The following DNAJC13 variants were observed in gnomAD, a reference collection of about 807,000 sequenced individuals.
DNAJC13 encodes the protein dnaJ homolog subfamily C member 13.
In DNAJC13, 75 loss-of-function variants were observed where a neutral mutation model predicts 290.5. The observed-to-expected ratio is 0.26, with a 90% CI of 0.21 to 0.31. The LOEUF (loss-of-function observed/expected upper bound fraction) is 0.31, where lower values mean the gene tolerates loss of function less well. Ranked by LOEUF, DNAJC13 falls within the 10% of genes least tolerant of loss-of-function variation. DNAJC13 has a pLI of 1.00. For synonymous variants in DNAJC13, 862 were observed against 892.0 expected, an observed-to-expected ratio of 0.97 and a Z score of 0.60; for missense variants, 2,260 against 2,674.5, an observed-to-expected ratio of 0.85 and a Z score of 3.42.
At chr3:132,507,184 C>G in intron 42 of DNAJC13, 53 bp from the exon 43 acceptor site, 1 of 1,173,796 alleles carries the variant, frequency 8.5e-7, no homozygotes, top group African/African-American at 1.5e-5. Context: ...AGTTATTAAA[C>G]TGAACATGGA....
At chr3:132,486,451 A>G (rs1408889188) in intron 29 of DNAJC13, among the ~76,000 whole-genome samples, 1 of 152,182 alleles carries the variant, frequency 6.6e-6, no homozygotes, top group East Asian at 1.9e-4. Context: ...AAAACTTTTA[A>G]GAAATGTGCT....
chr3:132,523,835 A>G lies in DNAJC13; in HGVS notation c.6060+122A>G, dbSNP rs1341364593. The G allele has an allele frequency of 3.1e-6, 3 of 956,248 alleles. No homozygotes were observed. In the East Asian group the frequency reaches 8.0e-5, roughly 25 times the overall value. 59.2% of individuals were successfully genotyped at this position (956,248 alleles called of 1,614,324 possible). On this transcript the variant is annotated intron_variant, in intron 51 of 55. Transcript: ENST00000260818. ...AATTGGCCAGCTCTTTCAATATAGC[A>G]GCCACATTTAAATTCACATATGCCC...
intron 20 of DNAJC13, among the ~76,000 whole-genome samples, chr3:132,470,615 G>A (rs1262491796): frequency 2.5e-4 from 36 of 142,036 alleles, no homozygotes; most frequent in African/African-American, 8.6e-4. Context: ...CGGGCGGGGG[G>A]GCTGACCCCC....
intron 20 of DNAJC13, among the ~76,000 whole-genome samples, chr3:132,470,715 G>C (rs1576479754): frequency 9.2e-6 from 1 of 108,444 alleles, no homozygotes; most frequent in Non-Finnish European, 1.9e-5. Context: ...GGGCAGAGGG[G>C]CTCCTCACTT....
chr3:132,483,666 TCCTATTTATGG>T, intron 28 of DNAJC13, 89 bp downstream of exon 28: 1 of 1,316,632 alleles, frequency 7.6e-7, no homozygotes, highest in Non-Finnish European at 1.1e-6. Flanking sequence ...AACAAAGATG[TCCTATTTATGG>T]CCTTGGAGGA....
At position 132,477,695 on chromosome 3, in the gene DNAJC13, A is replaced by C. The variant is rs182808080; in HGVS notation, c.2446-94A>C. 39 of 845,012 alleles carry C rather than the reference A, an allele frequency of 4.6e-5. No individual in the cohort carries two copies. In the African/African-American group the frequency reaches 6.2e-4, roughly 13 times the overall value. The allele number at this position is 845,012 out of a possible 1,614,324, so 52.3% of individuals were successfully genotyped here. A position where few individuals can be genotyped will look rare whatever the true frequency, so the allele number is the denominator to read the frequency against. ...GAATTAACAGGTATTTTAAGAAATA[A>C]GTTTTGAACAGAAAGAACTATAAGA... On this transcript the variant is annotated intron_variant, in intron 22 of 55. Transcript: ENST00000260818.
At chr3:132,423,485 A>C (rs1017513815) in intron 1 of DNAJC13, among the ~76,000 whole-genome samples, 1 of 152,222 alleles carries the variant, frequency 6.6e-6, no homozygotes, top group Non-Finnish European at 1.5e-5. Flanking sequence ...TCAAACTTCT[A>C]GTCAAGCTAC....
At chr3:132,531,939 T>C (rs1559916874) in intron 55 of DNAJC13, among the ~76,000 whole-genome samples, 1 of 152,366 alleles carries the variant, frequency 6.6e-6, no homozygotes, top group East Asian at 1.9e-4. Context: ...TTTCAAAAGA[T>C]ACTATGTTTA....
Position 132,490,951 on chromosome 3 carries a change from G to A in DNAJC13, c.3523G>A (p.Ala1175Thr). 1.2e-6 allele frequency: 2 copies of A among 1,612,244 alleles called. No individual in the cohort carries two copies. The highest frequency in any genetic ancestry group is 1.7e-6 in the Non-Finnish European group (2 of 1,179,270). Residue 1175 changes from alanine to threonine, a missense_variant, in exon 32 of 56, where the codon GCA (alanine) becomes ACA (threonine). Physicochemically the swap from Ala to Thr is moderately conservative, Grantham distance 58 (BLOSUM62 0). Transcript: ENST00000260818. ...TATACTTGGGCACATTCTACCTGAA[G>A]CAATGGTTTGTTACTTAGAAAATTA... ...RSILGHILPE[A>T]MVCYLENYEP...
At position 132,516,409 on chromosome 3, in the gene DNAJC13, T is replaced by C. The variant is rs757719192; in HGVS notation, c.5486-13T>C. ...CTGATGATGCATTCCTTGAAATGTC[T>C]TTTACTCTGCAGGTCGTCAGCTTGT... On this transcript the variant is annotated splice_polypyrimidine_tract_variant and intron_variant, in intron 46 of 55. Coordinates refer to ENST00000260818, the MANE Select transcript of DNAJC13 (RefSeq NM_015268.4). 6.2e-7 allele frequency: 1 copy of C among 1,613,360 alleles called. No individual in the cohort carries two copies. Among genetic ancestry groups the C allele is most frequent in the Non-Finnish European group, 8.5e-7 (1 of 1,179,488 alleles).
At position 132,475,062 on chromosome 3, in the gene DNAJC13, T is replaced by A. The variant is rs770260956; in HGVS notation, c.2422T>A (p.Ser808Thr). 4 of 1,606,508 alleles carry A rather than the reference T, an allele frequency of 2.5e-6. No individual in the cohort carries two copies. In the South Asian group the frequency reaches 4.4e-5, roughly 18 times the overall value. The change falls in exon 22 of 56, where the codon TCC becomes ACC. Residue 808 changes from serine to threonine, a missense_variant. Transcript: ENST00000260818. ...AGAACTTGGAAGTGCAAATGTGATCTCCTGGAACCACCATGAGTTTGAGGT... is the reference window on the plus strand; with the variant it reads ...AGAACTTGGAAGTGCAAATGTGATCACCTGGAACCACCATGAGTTTGAGGT... ...DRELGSANVI[S>T]WNHHEFEVKY...
At chr3:132,500,497 CT>C (rs1182487613) in intron 38 of DNAJC13, among the ~76,000 whole-genome samples, 2 of 152,106 alleles carry the variant, frequency 1.3e-5, no homozygotes, top group South Asian at 4.1e-4. Flanking sequence ...TCTTTTGTGA[CT>C]TTTTTACAGC....
intron 1 of DNAJC13, among the ~76,000 whole-genome samples, chr3:132,433,015 A>G (rs1190300953): frequency 6.6e-6 from 1 of 152,228 alleles, no homozygotes; most frequent in African/African-American, 2.4e-5. Flanking sequence ...ATATAGCCTT[A>G]AAAATAATTT....
chr3:132,494,130 CT>C lies in DNAJC13; in HGVS notation c.3826-10del. 1 of 1,531,068 alleles carries C rather than the reference CT, an allele frequency of 6.5e-7. No individual in the cohort carries two copies. Among genetic ancestry groups the C allele is most frequent in the South Asian group, 1.2e-5 (1 of 83,284 alleles). 94.8% of individuals were successfully genotyped at this position (1,531,068 alleles called of 1,614,324 possible). A position where few individuals can be genotyped will look rare whatever the true frequency, so the allele number is the denominator to read the frequency against. On this transcript the variant is annotated splice_polypyrimidine_tract_variant and intron_variant, in intron 33 of 55. Transcript: ENST00000260818. ...GTTTTACTTTGATATAAATTTTAAT[CT>C]TTTGTCTTTAAGGTTAAGCTTCTAA...
In DNAJC13 at chr3:132,513,058, C is replaced by G. The variant is rs950961308; in HGVS notation, c.5344C>G (p.Arg1782Gly). The change falls in exon 45 of 56, where the codon CGA becomes GGA. Residue 1782 changes from arginine (R) to glycine (G), a missense_variant. Arg to Gly is a moderately radical substitution (Grantham distance 125). This residue lies in a region of DNAJC13 where 1,494 missense variants were observed against 1,693.7 expected (regional missense o/e 0.88). Coordinates refer to ENST00000260818, the MANE Select transcript of DNAJC13 (RefSeq NM_015268.4). ...GHFKLIFSLLRVHGAGQVQQL... is the reference protein window; with the variant it reads ...GHFKLIFSLLGVHGAGQVQQL... ...CTTTAAGTTGATATTTTCTCTTCTC[C>G]GAGTTCATGGAGCTGGTCAAGTGCA... The G allele has an allele frequency of 6.2e-7, 1 of 1,613,136 alleles. No homozygotes were observed. Among genetic ancestry groups the G allele is most frequent in the Admixed American group, 1.7e-5 (1 of 59,946 alleles).
intron 1 of DNAJC13, among the ~76,000 whole-genome samples, chr3:132,419,634 A>T (rs114529241): frequency 0.012 from 1,785 of 152,322 alleles, 29 homozygotes; most frequent in African/African-American, 0.041. Flanking sequence ...ACAGGTGAAT[A>T]TGAGGTTTCT....
rs755213137 is a variant in DNAJC13, at chr3:132,525,753, T to G, written c.6204T>G (p.Ser2068Arg). The G allele has an allele frequency of 3.1e-6, 5 of 1,614,144 alleles. No homozygotes were observed. The highest frequency in any genetic ancestry group is 4.2e-6 in the Non-Finnish European group (5 of 1,180,012). ...ATAGGAACAATGCCATTCCTAAGAG[T>G]GCCATTCGGGTTATCCATGCCTTGT... is the stretch of plus-strand genomic sequence containing the variant. ...MNHRNNAIPK[S>R]AIRVIHALSE... The change falls in exon 52 of 56, where the codon AGT becomes AGG. Residue 2068 changes from serine to arginine, a missense_variant. Around this residue, in one of 3 missense-constraint regions of DNAJC13, gnomAD observed 1,494 missense variants for 1,693.7 expected, o/e 0.88. Coordinates refer to ENST00000260818, the MANE Select transcript of DNAJC13 (RefSeq NM_015268.4).
intron 46 of DNAJC13, 88 bp from the exon 47 acceptor site, chr3:132,516,334 T>A (rs756403834): frequency 9.5e-6 from 11 of 1,160,954 alleles, no homozygotes; most frequent in Non-Finnish European, 1.4e-5. Flanking sequence ...GTGTAGAACA[T>A]CTAGTTAAGT....
intron 54 of DNAJC13, among the ~76,000 whole-genome samples, chr3:132,528,800 C>G (rs1936332924): frequency 2.0e-5 from 3 of 150,610 alleles, no homozygotes; most frequent in Admixed American, 2.0e-4. Flanking sequence ...CTTTGTTTTT[C>G]CTATGTGTGT....
Sources: gnomAD v4.1 joint callset for allele counts (sites outside exome capture counted in the v4.1 genomes callset) on GRCh38, gnomAD v4.1.1 for gene constraint, gnomAD v4.1.1 regional missense constraint, MANE v1.5 for transcripts, NCBI Gene and HGNC (gene_info 2026-07-23, HGNC 2026-07-21) for gene names.